The following RERE variants were observed in gnomAD, a reference collection of about 807,000 sequenced individuals.
RERE encodes arginine-glutamic acid dipeptide repeats, also known as arginine-glutamic acid dipeptide repeats protein.
Under a neutral mutation model 146.1 loss-of-function variants are expected in RERE, and 40 were observed. The observed-to-expected ratio is 0.27, with a 90% CI of 0.21 to 0.36. RERE has a LOEUF of 0.36. RERE is among the 10% of genes least tolerant of loss of function. The pLI is 1.00. For missense variants in RERE, 1,933 were observed against 2,138.7 expected, an observed-to-expected ratio of 0.90 and a Z score of 1.90; for synonymous variants, 1,003 against 866.0, an observed-to-expected ratio of 1.16 and a Z score of -2.78.
chr1:8,367,344 G>T (rs1443361297), intron 12 of RERE, among the ~76,000 whole-genome samples: 1 of 152,208 alleles, frequency 6.6e-6, no homozygotes, highest in Non-Finnish European at 1.5e-5. Context: ...GCCGTGCCTT[G>T]AGTACTTGAC....
At chr1:8,713,450 T>C (rs1376211785) in intron 1 of RERE, among the ~76,000 whole-genome samples, 2 of 152,140 alleles carry the variant, frequency 1.3e-5, no homozygotes, top group South Asian at 2.1e-4. Context: ...ATTAAAAACT[T>C]TGGCCAGGCA....
At chr1:8,582,860 G>C (rs1045314978) in intron 4 of RERE, among the ~76,000 whole-genome samples, 7 of 152,176 alleles carry the variant, frequency 4.6e-5, no homozygotes, top group Non-Finnish European at 7.3e-5. Flanking sequence ...TTAGGGTACT[G>C]ATTTAAGATG....
chr1:8,653,466 G>A (rs1277169670), intron 2 of RERE, among the ~76,000 whole-genome samples: 5 of 152,124 alleles, frequency 3.3e-5, no homozygotes, highest in African/African-American at 1.2e-4. Flanking sequence ...CCAGCACTTT[G>A]GGAGGCCGAG....
At chr1:8,421,692 GAA>G (rs1316654854) in intron 12 of RERE, among the ~76,000 whole-genome samples, 2 of 152,130 alleles carry the variant, frequency 1.3e-5, no homozygotes, top group African/African-American at 4.8e-5. Flanking sequence ...TAAACAAGAG[GAA>G]ATCAGTAAAC....
chr1:8,516,227 G>GGA (rs573135224), intron 7 of RERE, among the ~76,000 whole-genome samples: 17 of 52,310 alleles, frequency 3.2e-4, no homozygotes, highest in African/African-American at 1.4e-3. Context: ...TCTCTCAGAG[G>GGA]AAAAAAAAAA....
intron 1 of RERE, among the ~76,000 whole-genome samples, chr1:8,675,441 T>C (rs1638812015): frequency 6.9e-6 from 1 of 144,566 alleles, no homozygotes; most frequent in African/African-American, 2.6e-5. Flanking sequence ...GGCAGATTGC[T>C]TAAGCCCAGG....
At chr1:8,625,008 T>C (rs1245396219) in intron 2 of RERE, among the ~76,000 whole-genome samples, 1 of 152,268 alleles carries the variant, frequency 6.6e-6, no homozygotes, top group Non-Finnish European at 1.5e-5. Flanking sequence ...TGGAATAAAG[T>C]AAACCAAATT....
chr1:8,686,955 C>A (rs1639102808), intron 1 of RERE, among the ~76,000 whole-genome samples: 1 of 152,148 alleles, frequency 6.6e-6, no homozygotes. Flanking sequence ...GTGATCATCA[C>A]AAGGGCAGTT....
intron 4 of RERE, among the ~76,000 whole-genome samples, chr1:8,576,491 A>G (rs1211619274): frequency 6.6e-6 from 1 of 152,232 alleles, no homozygotes; most frequent in African/African-American, 2.4e-5. Flanking sequence ...TAAATTACAG[A>G]ATAGCAGGGA....
chr1:8,372,797 C>T (rs763721419), intron 12 of RERE, among the ~76,000 whole-genome samples: 17 of 152,218 alleles, frequency 1.1e-4, no homozygotes, highest in Non-Finnish European at 2.4e-4. Flanking sequence ...CAGATCCCTG[C>T]AACGTCACAT....
At chr1:8,507,735 A>ATTTTTTTTTTTTTT (rs1404147445) in intron 8 of RERE, among the ~76,000 whole-genome samples, 2 of 41,414 alleles carry the variant, frequency 4.8e-5, no homozygotes, top group African/African-American at 2.8e-4. Context: ...AACATCTTTT[A>ATTTTTTTTTTTTTT]TCTTTTTTTT....
At chr1:8,663,260 AC>A (rs1638495669) in intron 1 of RERE, among the ~76,000 whole-genome samples, 1 of 151,934 alleles carries the variant, frequency 6.6e-6, no homozygotes, top group Non-Finnish European at 1.5e-5. Flanking sequence ...CTCAAGCTCT[AC>A]TCATCTCCAT....
chr1:8,541,163 A>G (rs1645795645), intron 7 of RERE, 51 bp downstream of exon 7: 1 of 1,007,570 alleles, frequency 9.9e-7, no homozygotes, highest in African/African-American at 1.6e-5. Flanking sequence ...ACACACACAA[A>G]TGAGAAAAGG....
intron 1 of RERE, among the ~76,000 whole-genome samples, chr1:8,708,899 T>G (rs1056889811): frequency 2.8e-5 from 4 of 143,308 alleles, no homozygotes; most frequent in African/African-American, 1.0e-4. Context: ...CAACAAAAAC[T>G]CTGGAGTTTT....
At chr1:8,527,542 T>G (rs1222461848) in intron 7 of RERE, among the ~76,000 whole-genome samples, 1 of 152,144 alleles carries the variant, frequency 6.6e-6, no homozygotes, top group Non-Finnish European at 1.5e-5. Flanking sequence ...TGAAAGCCCA[T>G]GAAACTGTTA....
chr1:8,752,602 T>C (rs1404936230), intron 1 of RERE, among the ~76,000 whole-genome samples: 1 of 152,222 alleles, frequency 6.6e-6, no homozygotes, highest in Non-Finnish European at 1.5e-5. Context: ...ATAACGTAAC[T>C]TGTACTCATC....
At chr1:8,465,581 A>G in intron 11 of RERE, 1 of 370,958 alleles carries the variant, frequency 2.7e-6, no homozygotes, top group Non-Finnish European at 5.3e-6. Flanking sequence ...TTATATGTCC[A>G]CGGGTTTTAA....
chr1:8,566,376 C>T (rs1646152706), intron 4 of RERE, among the ~76,000 whole-genome samples: 1 of 152,048 alleles, frequency 6.6e-6, no homozygotes. Context: ...AATCCCAGCA[C>T]TTTGGGAGGC....
intron 12 of RERE, among the ~76,000 whole-genome samples, chr1:8,375,541 C>T (rs1263952312): frequency 1.3e-5 from 2 of 150,874 alleles, no homozygotes; most frequent in Admixed American, 6.6e-5. Context: ...ACTGAAAATG[C>T]TTCCTCGCTC....
Sources: allele counts gnomAD v4.1 joint callset (sites outside exome capture counted in the v4.1 genomes callset), GRCh38; gene constraint gnomAD v4.1.1; transcripts MANE v1.5; gene names NCBI Gene and HGNC (gene_info 2026-07-23, HGNC 2026-07-21).